The following KLF12 variants were observed in gnomAD, a reference collection of about 807,000 sequenced individuals.
KLF12 encodes KLF transcription factor 12.
In KLF12, 9 loss-of-function variants were observed where a neutral mutation model predicts 37.8. The ratio of observed to expected loss-of-function variants is 0.24; its 90% CI spans 0.14 to 0.42. The LOEUF (loss-of-function observed/expected upper bound fraction) is 0.42. Among genes scored for constraint, KLF12 ranks in the 10% least tolerant of loss-of-function variants. The pLI, the probability that KLF12 is intolerant of heterozygous loss-of-function variation, is 1.00. For missense variants in KLF12, 411 were observed against 516.0 expected (o/e 0.80, Z 1.97); for synonymous variants, 208 against 202.1 (o/e 1.03, Z -0.25).
At chr13:73,998,301 T>A (rs1465708639) in intron 1 of KLF12, among the ~76,000 whole-genome samples, 1 of 152,180 alleles carries the variant, frequency 6.6e-6, no homozygotes, top group Non-Finnish European at 1.5e-5. Context: ...GTTTAATACA[T>A]TTTAAATGTA....
chr13:73,992,408 G>GAAGTAACTTA (rs1891992407), intron 2 of KLF12, among the ~76,000 whole-genome samples: 1 of 152,222 alleles, frequency 6.6e-6, no homozygotes, highest in Admixed American at 6.5e-5. Context: ...CTGAGTAAAG[G>GAAGTAACTTA]AAGTAACTTA....
At chr13:74,081,247 G>A (rs1472611428) in intron 1 of KLF12, among the ~76,000 whole-genome samples, 8 of 152,112 alleles carry the variant, frequency 5.3e-5, no homozygotes, top group Non-Finnish European at 1.2e-4. Context: ...GATGGTACTC[G>A]CAGATTTGTC....
intron 3 of KLF12, among the ~76,000 whole-genome samples, chr13:73,919,453 A>T (rs1889010215): frequency 3.9e-5 from 6 of 152,216 alleles, no homozygotes. Flanking sequence ...TGATACAGGA[A>T]AGAACACTGT....
chr13:74,242,629 A>C, the KLF12 span, among the ~76,000 whole-genome samples: 1 of 152,230 alleles, frequency 6.6e-6, no homozygotes, highest in Non-Finnish European at 1.5e-5. Flanking sequence ...GAGACGTAAC[A>C]AAGTCATGAG....
At chr13:73,967,885 C>T (rs953814818) in intron 2 of KLF12, among the ~76,000 whole-genome samples, 1 of 152,174 alleles carries the variant, frequency 6.6e-6, no homozygotes, top group Non-Finnish European at 1.5e-5. Flanking sequence ...ACTGAGATAA[C>T]TTCAGGGCCC....
chr13:73,918,835 G>A (rs894489569), intron 3 of KLF12, among the ~76,000 whole-genome samples: 3 of 152,132 alleles, frequency 2.0e-5, no homozygotes, highest in Non-Finnish European at 2.9e-5. Flanking sequence ...ACTCTAAACC[G>A]TGCTGCTATT....
chr13:73,833,260 C>G (rs998198923), intron 4 of KLF12, among the ~76,000 whole-genome samples: 2 of 152,162 alleles, frequency 1.3e-5, no homozygotes, highest in African/African-American at 4.8e-5. Context: ...TTTCATACAG[C>G]AATATCTACG....
At chr13:73,874,098 A>C (rs1377344216) in intron 3 of KLF12, among the ~76,000 whole-genome samples, 1 of 152,196 alleles carries the variant, frequency 6.6e-6, no homozygotes, top group African/African-American at 2.4e-5. Flanking sequence ...CAGCCTTCGG[A>C]GCTGTGGACT....
rs559792016 is a variant in KLF12 at position 74,021,539 on chromosome 13, T to C, written c.-31-26486A>G. On this transcript the variant is annotated intron_variant, in intron 1 of 7. Transcript: ENST00000377669. Reference sequence around the variant, plus strand: ...ATAGCATAATAGATCCAGAGGAGGGTTGCATCTGGCTAGTACAGGCATGGG... The same window carrying C: ...ATAGCATAATAGATCCAGAGGAGGGCTGCATCTGGCTAGTACAGGCATGGG... Among the ~76,000 whole-genome samples the C allele has an allele frequency of 9.2e-5, 14 of 152,064 alleles. No homozygotes were observed. In the South Asian group the frequency reaches 2.7e-3, roughly 29 times the overall value.
intron 6 of KLF12, among the ~76,000 whole-genome samples, chr13:73,719,247 A>C (rs1337077031): frequency 6.6e-6 from 1 of 152,140 alleles, no homozygotes; most frequent in East Asian, 1.9e-4. Context: ...AAGCTCCAAG[A>C]GTGCTGCGTT....
chr13:74,164,151 T>C, the KLF12 span, among the ~76,000 whole-genome samples: 22 of 152,242 alleles, frequency 1.4e-4, no homozygotes, highest in Admixed American at 4.6e-4. Context: ...TGTATTCTAG[T>C]CATGTTTGTC....
At chr13:73,748,122 T>C (rs1289913537) in intron 6 of KLF12, among the ~76,000 whole-genome samples, 1 of 152,164 alleles carries the variant, frequency 6.6e-6, no homozygotes. Context: ...GGATGAATTA[T>C]TTACCACCAA....
At chr13:73,977,931 A>G (rs969268467) in intron 2 of KLF12, among the ~76,000 whole-genome samples, 2 of 152,236 alleles carry the variant, frequency 1.3e-5, no homozygotes, top group Admixed American at 1.3e-4. Flanking sequence ...AAAAAACTAA[A>G]TCTAGCCACA....
rs760360931 is a variant in KLF12 at position 73,715,404 on chromosome 13, T to C, written c.991A>G (p.Ser331Gly). Residue 331 changes from serine (S) to glycine (G), a missense_variant, in exon 7 of 8, where the codon AGT (serine) becomes GGT (glycine). By Grantham distance (56) the Ser-to-Gly change is moderately conservative (BLOSUM62 0). Coordinates refer to ENST00000377669, the MANE Select transcript of KLF12 (RefSeq NM_007249.5). ...CTCCGGTGAGCCTTCAGGTGAGAAC[T>C]TTTTGTGTACACTTTGTTGCATCCC... The C allele has an allele frequency of 1.2e-6, 2 of 1,613,934 alleles. No individual in the cohort carries two copies. Among genetic ancestry groups the C allele is most frequent in the African/African-American group, 2.7e-5 (2 of 74,912 alleles).
the KLF12 span, among the ~76,000 whole-genome samples, chr13:74,284,568 C>A: frequency 1.3e-5 from 2 of 152,268 alleles, no homozygotes; most frequent in African/African-American, 4.8e-5. Context: ...GTCCAGTCTT[C>A]CTTTATGGAG....
intron 1 of KLF12, among the ~76,000 whole-genome samples, chr13:74,027,777 A>G (rs995503905): frequency 2.0e-5 from 3 of 152,178 alleles, no homozygotes; most frequent in African/African-American, 7.2e-5. Context: ...AAACTTTAAA[A>G]TTTTCCCATA....
chr13:74,052,977 C>A (rs868099453), intron 1 of KLF12, among the ~76,000 whole-genome samples: 1 of 152,168 alleles, frequency 6.6e-6, no homozygotes, highest in African/African-American at 2.4e-5. Flanking sequence ...CTATCCACCA[C>A]CGTCATACAA....
intron 2 of KLF12, among the ~76,000 whole-genome samples, chr13:73,989,599 G>A (rs1891912668): frequency 6.6e-6 from 1 of 152,134 alleles, no homozygotes; most frequent in African/African-American, 2.4e-5. Context: ...CTCTGGAAAT[G>A]ACACCCTTAT....
At chr13:74,033,935 T>A (rs966100491) in intron 1 of KLF12, among the ~76,000 whole-genome samples, 11 of 151,732 alleles carry the variant, frequency 7.2e-5, no homozygotes, top group Admixed American at 3.3e-4. Flanking sequence ...ATCTTTTTAA[T>A]CTTACCCAAG....
Sources: allele counts gnomAD v4.1 joint callset (sites outside exome capture counted in the v4.1 genomes callset), GRCh38; gene constraint gnomAD v4.1.1; transcripts MANE v1.5; gene names NCBI Gene and HGNC (gene_info 2026-07-23, HGNC 2026-07-21).